RPTOR: variants seen among roughly 807,000 people sequenced by gnomAD.
RPTOR encodes the protein regulatory-associated protein of mTOR.
Under a neutral mutation model 169.9 loss-of-function variants are expected in RPTOR, and 21 were observed. That is an observed-to-expected ratio of 0.12 (90% CI 0.09 to 0.18). The LOEUF (loss-of-function observed/expected upper bound fraction) is 0.18. Ranked by LOEUF, RPTOR falls within the 10% of genes least tolerant of loss-of-function variation. RPTOR has a pLI of 1.00. For synonymous variants in RPTOR, 732 were observed against 753.2 expected, an observed-to-expected ratio of 0.97 and a Z score of 0.46; for missense variants, 1,133 against 1,855.9, an observed-to-expected ratio of 0.61 and a Z score of 7.16.
chr17:80,823,051 C>T lies in RPTOR; in HGVS notation c.992-28C>T. 6.2e-7 allele frequency: 1 copy of T among 1,608,510 alleles called. No homozygotes were observed. The highest frequency in any genetic ancestry group is 8.5e-7 in the Non-Finnish European group (1 of 1,177,134). On this transcript the variant is annotated intron_variant, in intron 8 of 33. Transcript: ENST00000306801. This position sits in a 1 kb window ranked among gnomAD's most constrained non-coding sequence, Gnocchi z 4.5. ...AATGCTAGACACAAGTCACTGTAGA[C>T]TCCTTTTTATCTTTTATCTGCCCTC...
intron 13 of RPTOR, among the ~76,000 whole-genome samples, chr17:80,868,148 A>G (rs2068014057): frequency 6.6e-6 from 1 of 152,236 alleles, no homozygotes; most frequent in Non-Finnish European, 1.5e-5. Context: ...TGAAAAGGCA[A>G]GACACAGACT....
chr17:80,866,454 G>A (rs1157154562), intron 13 of RPTOR, among the ~76,000 whole-genome samples: 1 of 152,124 alleles, frequency 6.6e-6, no homozygotes, highest in Non-Finnish European at 1.5e-5. Context: ...AATCAGACTG[G>A]AGACTAATAC....
At chr17:80,575,836 C>G (rs1466414512) in intron 1 of RPTOR, among the ~76,000 whole-genome samples, 1 of 152,194 alleles carries the variant, frequency 6.6e-6, no homozygotes, top group Non-Finnish European at 1.5e-5. Context: ...GTAAATATGT[C>G]TATTCTCCTT....
intron 24 of RPTOR, among the ~76,000 whole-genome samples, chr17:80,939,205 G>C (rs889625193): frequency 2.6e-5 from 4 of 152,224 alleles, no homozygotes; most frequent in African/African-American, 9.6e-5. Context: ...TGGACGGCAT[G>C]TATGCTTAAG....
At chr17:80,753,632 C>CAAAAAA (rs35693819) in intron 5 of RPTOR, among the ~76,000 whole-genome samples, 4 of 94,984 alleles carry the variant, frequency 4.2e-5, no homozygotes, top group Admixed American at 1.2e-4. Flanking sequence ...AACTCCGTCT[C>CAAAAAA]AAAAAAAAAA....
rs774815193 is a variant in RPTOR at position 80,908,915 on chromosome 17, A to T, written c.2506A>T (p.Ser836Cys). 2 of 1,613,350 alleles carry T rather than the reference A, an allele frequency of 1.2e-6. No individual in the cohort carries two copies. The highest frequency in any genetic ancestry group is 3.3e-5 in the Admixed American group (2 of 60,018). The change falls in exon 21 of 34, where the codon AGC becomes TGC. Residue 836 changes from serine (S) to cysteine (C), a missense_variant. By Grantham distance (112) the Ser-to-Cys change is moderately radical. Coordinates refer to ENST00000306801, the MANE Select transcript of RPTOR (RefSeq NM_020761.3). ...VSDVAMKVLN[S>C]IAYKATVNAR... Reference sequence around the variant, plus strand: ...GGACGTGGCCATGAAAGTACTCAACAGCATCGCCTACAAGGTACGTGCCGG... The same window carrying T: ...GGACGTGGCCATGAAAGTACTCAACTGCATCGCCTACAAGGTACGTGCCGG...
At chr17:80,561,293 T>C (rs1257708125) in intron 1 of RPTOR, among the ~76,000 whole-genome samples, 3 of 139,418 alleles carry the variant, frequency 2.2e-5, no homozygotes, top group Non-Finnish European at 4.5e-5. Context: ...ATATATTTAG[T>C]AGAGATGGGG....
intron 3 of RPTOR, among the ~76,000 whole-genome samples, chr17:80,662,914 A>G (rs2143652219): frequency 6.6e-6 from 1 of 152,226 alleles, no homozygotes; most frequent in African/African-American, 2.4e-5. Flanking sequence ...AATTCCTCCC[A>G]TGGTTAGCTG....
intron 1 of RPTOR, among the ~76,000 whole-genome samples, chr17:80,577,163 C>T (rs949569294): frequency 2.0e-5 from 3 of 152,000 alleles, no homozygotes; most frequent in African/African-American, 7.3e-5. Context: ...TCCCAAGTAG[C>T]TGAAATTACA....
At chr17:80,953,178 A>G (rs1311921976) in intron 28 of RPTOR, among the ~76,000 whole-genome samples, 2 of 152,098 alleles carry the variant, frequency 1.3e-5, no homozygotes, top group African/African-American at 2.4e-5. Context: ...GCATTTTCCA[A>G]GTTGTGCAGC....
chr17:80,768,369 T>G (rs2066808947), intron 6 of RPTOR, among the ~76,000 whole-genome samples: 1 of 152,200 alleles, frequency 6.6e-6, no homozygotes, highest in Non-Finnish European at 1.5e-5. Flanking sequence ...TGCATCCGTG[T>G]GTAATGTATC....
chr17:80,901,931 G>A (rs1170465722), intron 20 of RPTOR, among the ~76,000 whole-genome samples: 1 of 152,042 alleles, frequency 6.6e-6, no homozygotes, highest in Non-Finnish European at 1.5e-5. Flanking sequence ...GGCTTCCTTT[G>A]ATCGCTGATG....
intron 3 of RPTOR, among the ~76,000 whole-genome samples, chr17:80,664,638 C>T (rs964267864): frequency 6.6e-6 from 1 of 152,166 alleles, no homozygotes; most frequent in Non-Finnish European, 1.5e-5. Context: ...CACTCAGAAT[C>T]CTTGACCTTG....
rs1424122726 is a variant in RPTOR, at chr17:80,726,606, G to T, written c.508-3954G>T. On this transcript the variant is annotated intron_variant, in intron 4 of 33. Transcript: ENST00000306801. The surrounding 1 kb of genome is among the most constrained non-coding windows in gnomAD (Gnocchi z 4.5). ...GCCACTTTGCAGCCCTGGGACCCTC[G>T]GGGTTGTACCTAGAAGGTAGTAAAG... 6.6e-6 allele frequency among the ~76,000 whole-genome samples: 1 copy of T among 152,106 alleles called. No individual in the cohort carries two copies. Among genetic ancestry groups the T allele is most frequent in the Non-Finnish European group, 1.5e-5 (1 of 68,034 alleles).
rs139195623 is a variant in RPTOR at position 80,754,728 on chromosome 17, C to T, written c.830+543C>T. Among the ~76,000 whole-genome samples, 16 of 152,314 alleles carry T rather than the reference C, an allele frequency of 1.1e-4. No individual in the cohort carries two copies. Among genetic ancestry groups the T allele is most frequent in the Middle Eastern group, 3.4e-3 (1 of 294 alleles). ...TTCAGCCCCAACATCCCCAGCAGAACGCACAGTGGGATATGTGTGTTTCCT... is the reference window on the plus strand; with the variant it reads ...TTCAGCCCCAACATCCCCAGCAGAATGCACAGTGGGATATGTGTGTTTCCT... On this transcript the variant is annotated intron_variant, in intron 6 of 33. Coordinates refer to ENST00000306801, the MANE Select transcript of RPTOR (RefSeq NM_020761.3). This position sits in a 1 kb window ranked among gnomAD's most constrained non-coding sequence, Gnocchi z 4.2.
rs1341052726 is a variant in RPTOR, at chr17:80,571,516, A to G, written c.162+25725A>G. Among the ~76,000 whole-genome samples the G allele has an allele frequency of 2.6e-5, 4 of 152,100 alleles. No homozygotes were observed. In the East Asian group the frequency reaches 7.7e-4, roughly 29 times the overall value. On this transcript the variant is annotated intron_variant, in intron 1 of 33. Transcript: ENST00000306801. ...TACTTTTCTTCCTTTTGTTGGCAAT[A>G]ATTATCTCTTCACTTTTCTTTTGAG...
chr17:80,811,867 G>A (rs1261495879), intron 7 of RPTOR, among the ~76,000 whole-genome samples: 34 of 128,430 alleles, frequency 2.6e-4, no homozygotes, highest in Non-Finnish European at 1.3e-4. Context: ...TGTACCCACG[G>A]GACACAGCCA....
intron 24 of RPTOR, 92 bp downstream of exon 24, chr17:80,925,572 TG>T: frequency 1.9e-6 from 2 of 1,032,656 alleles, no homozygotes; most frequent in Non-Finnish European, 3.0e-6. Context: ...CTTGTGGCTG[TG>T]GGAGCGTCCC....
intron 7 of RPTOR, among the ~76,000 whole-genome samples, chr17:80,813,200 G>A (rs2067290537): frequency 1.3e-5 from 2 of 152,216 alleles, no homozygotes; most frequent in Admixed American, 6.5e-5. Flanking sequence ...ACTGTGTAGT[G>A]AGAACATCAG....
Sources: allele counts gnomAD v4.1 joint callset (sites outside exome capture counted in the v4.1 genomes callset), GRCh38; gene constraint gnomAD v4.1.1; non-coding constraint Gnocchi (gnomAD v3.1); transcripts MANE v1.5; gene names NCBI Gene and HGNC (gene_info 2026-07-23, HGNC 2026-07-21).